Variants in KIAA1549L observed in about 807,000 individuals in gnomAD.
The protein encoded by KIAA1549L is KIAA1549 like.
KIAA1549L carries 88 observed loss-of-function variants against 160.7 expected under a neutral mutation model. That is an observed-to-expected ratio of 0.55 (90% CI 0.46 to 0.65). The LOEUF (loss-of-function observed/expected upper bound fraction) is 0.65. Among genes scored for constraint, KIAA1549L ranks in the 30% least tolerant of loss-of-function variants. The pLI, the probability that KIAA1549L is intolerant of heterozygous loss-of-function variation, is 0.00. For missense variants in KIAA1549L, 2,258 were observed against 2,437.5 expected (o/e 0.93, Z 1.55); for synonymous variants, 950 against 976.7 (o/e 0.97, Z 0.51).
chr11:33,589,302 C>G (rs1242539645), intron 11 of KIAA1549L, among the ~76,000 whole-genome samples: 13 of 152,164 alleles, frequency 8.5e-5, no homozygotes, highest in African/African-American at 1.2e-4. Flanking sequence ...AACACTTTTA[C>G]ACCGTTGGTG....
At chr11:33,604,396 G>A (rs758548449) in intron 13 of KIAA1549L, among the ~76,000 whole-genome samples, 8 of 152,156 alleles carry the variant, frequency 5.3e-5, no homozygotes, top group Non-Finnish European at 8.8e-5. Flanking sequence ...ACAGTACAGA[G>A]ATTCCTTAAA....
chr11:33,388,305 A>G (rs1007495316), intron 1 of KIAA1549L, among the ~76,000 whole-genome samples: 1 of 152,238 alleles, frequency 6.6e-6, no homozygotes, highest in African/African-American at 2.4e-5. Context: ...GAATAAAACC[A>G]TCAGATCTTG....
intron 8 of KIAA1549L, among the ~76,000 whole-genome samples, 152 bp from the exon 9 acceptor site, chr11:33,567,924 C>T (rs552532980): frequency 2.3e-4 from 35 of 152,152 alleles, no homozygotes; most frequent in East Asian, 5.8e-4. Context: ...AGGGCTGTCG[C>T]GAAGGTGAAG....
chr11:33,504,121 C>T (rs972972188), intron 1 of KIAA1549L, among the ~76,000 whole-genome samples: 10 of 152,070 alleles, frequency 6.6e-5, no homozygotes, highest in East Asian at 1.9e-4. Context: ...GTTAGCCAGG[C>T]GTGGTGGCAC....
intron 10 of KIAA1549L, among the ~76,000 whole-genome samples, chr11:33,575,711 A>G (rs1368722224): frequency 1.3e-5 from 2 of 152,226 alleles, no homozygotes; most frequent in Non-Finnish European, 2.9e-5. Flanking sequence ...GTATTCCAGA[A>G]AGAGAGGGCA....
At chr11:33,631,004 A>T (rs898349038) in intron 16 of KIAA1549L, among the ~76,000 whole-genome samples, 1 of 152,196 alleles carries the variant, frequency 6.6e-6, no homozygotes, top group Non-Finnish European at 1.5e-5. Context: ...AGGCACGTGC[A>T]ACGTACTGTG....
At chr11:33,582,626 C>G (rs998194917) in intron 10 of KIAA1549L, among the ~76,000 whole-genome samples, 1 of 152,200 alleles carries the variant, frequency 6.6e-6, no homozygotes, top group Non-Finnish European at 1.5e-5. Context: ...TGTAACCCAA[C>G]TCTCTATCAT....
intron 1 of KIAA1549L, among the ~76,000 whole-genome samples, chr11:33,411,434 G>A (rs996631487): frequency 6.6e-6 from 1 of 152,162 alleles, no homozygotes. Flanking sequence ...ACAGGTGATT[G>A]TCATGCATCC....
chr11:33,601,243 T>C (rs1156571510), intron 13 of KIAA1549L, among the ~76,000 whole-genome samples: 2 of 152,170 alleles, frequency 1.3e-5, no homozygotes, highest in African/African-American at 4.8e-5. Context: ...TTGCTTCTGT[T>C]TACAGGTTTC....
chr11:33,454,310 A>G (rs534094906), intron 1 of KIAA1549L, among the ~76,000 whole-genome samples: 64 of 152,324 alleles, frequency 4.2e-4, no homozygotes, highest in African/African-American at 1.5e-3. Context: ...AGAGGCAACA[A>G]ATGAGAGGGG....
Position 33,609,940 on chromosome 11 carries a change from T to C in KIAA1549L, c.5253T>C (p.Cys1751=). The C allele has an allele frequency of 6.2e-7, 1 of 1,613,916 alleles. No individual in the cohort carries two copies. The highest frequency in any genetic ancestry group is 8.5e-7 in the Non-Finnish European group (1 of 1,179,838). ...EHVLDPDSEL[C]APFTESKNRQ... ...TTTTGGATCCAGATTCAGAACTCTG[T>C]GCTCCATTCACCGAGTCTAAAAACA... is the stretch of plus-strand genomic sequence containing the variant. Residue 1751 remains cysteine (C), a synonymous_variant, in exon 15 of 21, where the codon TGT becomes TGC. Coordinates refer to ENST00000658780, the MANE Select transcript of KIAA1549L (RefSeq NM_012194.3).
intron 1 of KIAA1549L, among the ~76,000 whole-genome samples, chr11:33,439,380 G>A (rs1220001312): frequency 1.3e-5 from 2 of 151,848 alleles, no homozygotes; most frequent in Admixed American, 6.6e-5. Flanking sequence ...ATCACCTTGA[G>A]TATTTATCAA....
chr11:33,411,498 T>G (rs1021852981), intron 1 of KIAA1549L, among the ~76,000 whole-genome samples: 15 of 152,340 alleles, frequency 9.8e-5, no homozygotes, highest in African/African-American at 3.1e-4. Context: ...CGGTGGTGGT[T>G]ATTTTAATTT....
chr11:33,443,979 G>T (rs145098016), intron 1 of KIAA1549L, among the ~76,000 whole-genome samples: 1,928 of 152,224 alleles, frequency 0.013, 25 homozygotes, highest in Non-Finnish European at 0.018. Context: ...ATAACCACAT[G>T]TTACCTTGGA....
intron 1 of KIAA1549L, among the ~76,000 whole-genome samples, chr11:33,508,112 G>T (rs2133100537): frequency 6.6e-6 from 1 of 152,284 alleles, no homozygotes; most frequent in Non-Finnish European, 1.5e-5. Flanking sequence ...TCTCTGCACA[G>T]GACTTAGCTC....
At chr11:33,524,818 G>C (rs1853576398) in intron 1 of KIAA1549L, among the ~76,000 whole-genome samples, 1 of 152,132 alleles carries the variant, frequency 6.6e-6, no homozygotes, top group Admixed American at 6.6e-5. Flanking sequence ...TGATGAATAA[G>C]TCATTTTCAA....
At chr11:33,537,969 A>T (rs1344244186) in intron 1 of KIAA1549L, among the ~76,000 whole-genome samples, 1 of 152,218 alleles carries the variant, frequency 6.6e-6, no homozygotes, top group East Asian at 1.9e-4. Context: ...GTCCATTTTC[A>T]TGCTGCTGTA....
rs777027255 is a variant in KIAA1549L, at chr11:33,543,222, A to G, written c.1659A>G (p.Thr553=). 3 of 1,614,004 alleles carry G rather than the reference A, an allele frequency of 1.9e-6. No individual in the cohort carries two copies. The highest frequency in any genetic ancestry group is 1.1e-5 in the South Asian group (1 of 91,086). ...LSSKVPNLLS[T]SWTFPRWKKD... ...GCAAAGTTCCTAATCTTCTTTCCAC[A>G]TCTTGGACATTTCCCCGGTGGAAAA... The change falls in exon 2 of 21, where the codon ACA becomes ACG. Residue 553 remains threonine, a synonymous_variant. Coordinates refer to ENST00000658780, the MANE Select transcript of KIAA1549L (RefSeq NM_012194.3).
intron 20 of KIAA1549L, 36 bp downstream of exon 20, chr11:33,661,050 C>G: frequency 3.9e-6 from 6 of 1,555,904 alleles, no homozygotes; most frequent in Non-Finnish European, 5.2e-6. Flanking sequence ...AAAACTTTAC[C>G]TGCTTAACAC....
Sources: allele counts gnomAD v4.1 joint callset (sites outside exome capture counted in the v4.1 genomes callset), GRCh38; gene constraint gnomAD v4.1.1; transcripts MANE v1.5; gene names NCBI Gene and HGNC (gene_info 2026-07-23, HGNC 2026-07-21).